Variants in NEK1 observed in about 807,000 individuals in gnomAD.
NEK1 encodes the protein serine/threonine-protein kinase Nek1.
Under a neutral mutation model 182.1 loss-of-function variants are expected in NEK1, and 137 were observed. The observed-to-expected ratio is 0.75, with a 90% CI of 0.65 to 0.87. The LOEUF (loss-of-function observed/expected upper bound fraction) is 0.87. Ranked by LOEUF, NEK1 falls within the 40% of genes least tolerant of loss-of-function variation. NEK1 has a pLI of 0.00. For missense variants in NEK1, 1,391 were observed against 1,494.4 expected (o/e 0.93, Z 1.14); for synonymous variants, 513 against 492.2 (o/e 1.04, Z -0.56).
intron 23 of NEK1, among the ~76,000 whole-genome samples, chr4:169,496,997 A>AC (rs1751440898): frequency 1.3e-5 from 2 of 152,058 alleles, no homozygotes; most frequent in African/African-American, 4.8e-5. Context: ...TCCTCCTTGT[A>AC]CCTCTGGTAG....
At chr4:169,569,455 CCT>C (rs1359031855) in intron 12 of NEK1, among the ~76,000 whole-genome samples, 1 of 133,298 alleles carries the variant, frequency 7.5e-6, no homozygotes, top group Non-Finnish European at 1.6e-5. Flanking sequence ...TCCCTCCCTC[CCT>C]CTCTCCCTCC....
intron 31 of NEK1, among the ~76,000 whole-genome samples, chr4:169,423,768 C>T (rs1294553349): frequency 1.3e-5 from 2 of 151,808 alleles, no homozygotes; most frequent in African/African-American, 2.4e-5. Flanking sequence ...AAAATTACAG[C>T]GGAAAGGCAT....
chr4:169,594,890 A>G (rs1769175187), intron 5 of NEK1, among the ~76,000 whole-genome samples: 1 of 152,222 alleles, frequency 6.6e-6, no homozygotes, highest in Non-Finnish European at 1.5e-5. Context: ...TATCCTCAAG[A>G]AAAACATTCA....
At chr4:169,460,890 A>G (rs1743844467) in intron 27 of NEK1, among the ~76,000 whole-genome samples, 1 of 152,202 alleles carries the variant, frequency 6.6e-6, no homozygotes, top group African/African-American at 2.4e-5. Flanking sequence ...TGTTATGAAA[A>G]TGGAAAATCT....
At chr4:169,594,189 G>T (rs1379759617) in intron 5 of NEK1, among the ~76,000 whole-genome samples, 2 of 152,148 alleles carry the variant, frequency 1.3e-5, no homozygotes, top group African/African-American at 2.4e-5. Context: ...AATTACAGTT[G>T]TATGTTATTT....
chr4:169,401,137 G>C (rs1731609299), intron 33 of NEK1, among the ~76,000 whole-genome samples: 2 of 152,070 alleles, frequency 1.3e-5, no homozygotes, highest in South Asian at 4.1e-4. Flanking sequence ...GACATACTTT[G>C]AAAAAAATTA....
intron 31 of NEK1, among the ~76,000 whole-genome samples, chr4:169,421,895 A>G (rs556855243): frequency 8.3e-4 from 127 of 152,322 alleles, no homozygotes; most frequent in Non-Finnish European, 1.5e-3. Context: ...CTATCAACCA[A>G]TTTGACTTTA....
At chr4:169,482,772 G>T (rs1748305376) in intron 23 of NEK1, among the ~76,000 whole-genome samples, 1 of 151,958 alleles carries the variant, frequency 6.6e-6, no homozygotes, top group Non-Finnish European at 1.5e-5. Context: ...GAGTAGCTGG[G>T]ATTACAGGCA....
intron 23 of NEK1, among the ~76,000 whole-genome samples, chr4:169,501,397 GT>G (rs755400409): frequency 6.6e-6 from 1 of 152,118 alleles, no homozygotes; most frequent in Non-Finnish European, 1.5e-5. Context: ...TGACCAGTTG[GT>G]CCTAATTAGC....
At chr4:169,587,271 A>T (rs1767688484) in intron 9 of NEK1, among the ~76,000 whole-genome samples, 1 of 152,018 alleles carries the variant, frequency 6.6e-6, no homozygotes, top group Non-Finnish European at 1.5e-5. Flanking sequence ...TGAAATATCA[A>T]ATTCATACAA....
At chr4:169,469,078 C>T (rs1239455743) in intron 26 of NEK1, among the ~76,000 whole-genome samples, 2 of 151,882 alleles carry the variant, frequency 1.3e-5, no homozygotes, top group Admixed American at 6.6e-5. Context: ...CCTGGATTCA[C>T]TGATTTTTTT....
In NEK1 at chr4:169,585,396, C is replaced by T. The variant is rs754763969; in HGVS notation, c.760G>A (p.Glu254Lys). 6.2e-7 allele frequency: 1 copy of T among 1,613,452 alleles called. No homozygotes were observed. The highest frequency in any genetic ancestry group is 2.2e-5 in the East Asian group (1 of 44,866). ...ATGCGTTTGGCTATAAAACCTTTCT[C>T]CAATATGGAGTTGACTGATGGTCTA... ...RDRPSVNSIL[E>K]KGFIAKRIEK... Residue 254 changes from glutamate to lysine, a missense_variant, in exon 10 of 36, where the codon GAG (glutamate) becomes AAG (lysine). Physicochemically the swap from Glu to Lys is moderately conservative, Grantham distance 56 (BLOSUM62 1). Transcript: ENST00000507142.
At chr4:169,555,147 G>A (rs1484263668) in intron 18 of NEK1, 1 of 153,866 alleles carries the variant, frequency 6.5e-6, no homozygotes, top group Non-Finnish European at 1.4e-5. Flanking sequence ...TTTATAATGT[G>A]TATATAAACG....
At chr4:169,415,829 A>G (rs1734451590) in intron 31 of NEK1, among the ~76,000 whole-genome samples, 1 of 152,182 alleles carries the variant, frequency 6.6e-6, no homozygotes, top group Admixed American at 6.5e-5. Context: ...TAGTTTCTGC[A>G]AAAAGAGCCC....
At chr4:169,580,549 T>C (rs939521098) in intron 11 of NEK1, among the ~76,000 whole-genome samples, 1 of 144,152 alleles carries the variant, frequency 6.9e-6, no homozygotes, top group African/African-American at 2.6e-5. Context: ...TACACAAAAA[T>C]TGGACATTTT....
chr4:169,587,768 G>A (rs897673293), intron 8 of NEK1, among the ~76,000 whole-genome samples, 155 bp from the exon 9 acceptor site: 4 of 151,762 alleles, frequency 2.6e-5, no homozygotes, highest in Non-Finnish European at 5.9e-5. Flanking sequence ...AATGACAAAA[G>A]TAGCTGTCCC....
chr4:169,558,374 C>T (rs149017454), intron 16 of NEK1, among the ~76,000 whole-genome samples: 1 of 152,342 alleles, frequency 6.6e-6, no homozygotes, highest in Non-Finnish European at 1.5e-5. Context: ...CACATAACCA[C>T]TACTACAATC....
At chr4:169,407,973 G>T (rs1184644690) in intron 31 of NEK1, among the ~76,000 whole-genome samples, 7 of 152,196 alleles carry the variant, frequency 4.6e-5, no homozygotes, top group Admixed American at 4.6e-4. Flanking sequence ...CTTAGTGATG[G>T]TACTGGAAGT....
chr4:169,602,399 A>G (rs1386695006), intron 3 of NEK1, 115 bp downstream of exon 3: 7 of 659,530 alleles, frequency 1.1e-5, no homozygotes, highest in Non-Finnish European at 1.9e-5. Flanking sequence ...GGAATAAAGG[A>G]GTCTTTTGCT....
Sources: gnomAD v4.1 joint callset for allele counts (sites outside exome capture counted in the v4.1 genomes callset) on GRCh38, gnomAD v4.1.1 for gene constraint, MANE v1.5 for transcripts, NCBI Gene and HGNC (gene_info 2026-07-23, HGNC 2026-07-21) for gene names.